LRIG1: variants seen among roughly 807,000 people sequenced by gnomAD.
LRIG1 encodes leucine-rich repeats and immunoglobulin-like domains protein 1.
LRIG1 carries 48 observed loss-of-function variants against 99.2 expected under a neutral mutation model. That is an observed-to-expected ratio of 0.48 (90% CI 0.38 to 0.62). The LOEUF (loss-of-function observed/expected upper bound fraction) is 0.62, where lower values mean the gene tolerates loss of function less well. Among genes scored for constraint, LRIG1 ranks in the 20% least tolerant of loss-of-function variants. The pLI is 0.00. For missense variants in LRIG1, 1,646 were observed against 1,434.4 expected (o/e 1.15, Z -2.38); for synonymous variants, 772 against 596.1 (o/e 1.29, Z -4.30).
chr3:66,384,397 G>A (rs1701260068), intron 13 of LRIG1, 125 bp from the exon 14 acceptor site: 5 of 1,030,972 alleles, frequency 4.8e-6, no homozygotes, highest in Admixed American at 2.1e-5. Flanking sequence ...CCCAATGTCT[G>A]CCCAGGACCA....
intron 3 of LRIG1, among the ~76,000 whole-genome samples, chr3:66,436,070 T>C (rs1703346843): frequency 6.6e-6 from 1 of 152,164 alleles, no homozygotes; most frequent in African/African-American, 2.4e-5. Flanking sequence ...CTTCCCATCA[T>C]TTAGGAAAGG....
At chr3:66,485,299 A>G (rs1700947173) in intron 1 of LRIG1, among the ~76,000 whole-genome samples, 1 of 152,150 alleles carries the variant, frequency 6.6e-6, no homozygotes, top group Non-Finnish European at 1.5e-5. Flanking sequence ...CTCTCCCAGG[A>G]CTACGTACAT....
intron 3 of LRIG1, among the ~76,000 whole-genome samples, chr3:66,433,777 T>C (rs760124336): frequency 5.3e-5 from 8 of 152,178 alleles, no homozygotes; most frequent in South Asian, 2.1e-4. Context: ...CAAAAATGAT[T>C]TGTTACAACA....
At chr3:66,384,389 C>G (rs1701259741) in intron 13 of LRIG1, 117 bp from the exon 14 acceptor site, 2 of 1,135,880 alleles carry the variant, frequency 1.8e-6, no homozygotes. Context: ...TCTTTTCTCC[C>G]AATGTCTGCC....
In LRIG1 at chr3:66,414,391, C is replaced by A. The variant is rs72906705; in HGVS notation, c.647+529G>T. On this transcript the variant is annotated intron_variant, in intron 5 of 18. Transcript: ENST00000273261. ...CACCTGGGGGACAGAGCGAGACTGT[C>A]GCAAAAAAAAATAATAATAAATAAA... 4.0e-5 allele frequency among the ~76,000 whole-genome samples: 6 copies of A among 149,168 alleles called. No individual in the cohort carries two copies. The South Asian group carries it at 1.3e-3, about 32-fold the overall frequency.
intron 3 of LRIG1, among the ~76,000 whole-genome samples, chr3:66,443,355 G>C (rs1703610268): frequency 6.7e-6 from 1 of 149,058 alleles, no homozygotes; most frequent in African/African-American, 2.5e-5. Flanking sequence ...GAGGGGGCGG[G>C]GGATGAGTGA....
In LRIG1 at chr3:66,500,270, A is replaced by G. The variant is rs1454383714; in HGVS notation, c.138T>C (p.Thr46=). Residue 46 remains threonine (T), a synonymous_variant, in exon 1 of 19, where the codon ACT becomes ACC. Coordinates refer to ENST00000273261, the MANE Select transcript of LRIG1 (RefSeq NM_015541.3). ...CGCAGTCCAGCGAGTCCCCAGCGCA[A>G]GTGCAGGCGGCCGCGCAGGGCGCCC... The part of the protein sequence containing the change: ...GPRAPCAAAC[T]CAGDSLDCGG... 13 of 1,492,156 alleles carry G rather than the reference A, an allele frequency of 8.7e-6. No individual in the cohort carries two copies. Among genetic ancestry groups the G allele is most frequent in the South Asian group, 1.3e-5 (1 of 79,608 alleles). The allele number at this position is 1,492,156 out of a possible 1,614,324, so 92.4% of individuals were successfully genotyped here. A position where few individuals can be genotyped will look rare whatever the true frequency, so the allele number is the denominator to read the frequency against.
At chr3:66,475,220 T>C (rs1700693760) in intron 1 of LRIG1, among the ~76,000 whole-genome samples, 1 of 152,230 alleles carries the variant, frequency 6.6e-6, no homozygotes, top group African/African-American at 2.4e-5. Context: ...TCAAAGTCTC[T>C]GCCTAGCCTG....
At chr3:66,477,360 T>C (rs1700746167) in intron 1 of LRIG1, among the ~76,000 whole-genome samples, 1 of 152,188 alleles carries the variant, frequency 6.6e-6, no homozygotes, top group Non-Finnish European at 1.5e-5. Context: ...CAAACTCCTG[T>C]GCTTAATGTT....
intron 1 of LRIG1, among the ~76,000 whole-genome samples, chr3:66,466,896 C>G (rs142452326): frequency 3.1e-4 from 47 of 152,370 alleles, no homozygotes; most frequent in African/African-American, 1.1e-3. Flanking sequence ...AATTTAGTTA[C>G]TGCCAATTGC....
At chr3:66,474,549 T>G (rs1337295243) in intron 1 of LRIG1, among the ~76,000 whole-genome samples, 1 of 152,146 alleles carries the variant, frequency 6.6e-6, no homozygotes, top group African/African-American at 2.4e-5. Flanking sequence ...TTTCACCACA[T>G]TGGCCAGGCT....
chr3:66,387,450 C>G (rs1701431705), intron 12 of LRIG1: 2 of 152,224 alleles, frequency 1.3e-5, no homozygotes, highest in East Asian at 3.9e-4. Flanking sequence ...GTGGTGACTT[C>G]TCTGTCCAAC....
At chr3:66,475,290 G>A (rs1357396743) in intron 1 of LRIG1, among the ~76,000 whole-genome samples, 4 of 152,222 alleles carry the variant, frequency 2.6e-5, no homozygotes, top group African/African-American at 9.7e-5. Flanking sequence ...CATTGGTAGG[G>A]AGGTAGAAGG....
chr3:66,477,707 C>G (rs1700753475), intron 1 of LRIG1, among the ~76,000 whole-genome samples: 1 of 152,140 alleles, frequency 6.6e-6, no homozygotes, highest in Admixed American at 6.5e-5. Context: ...CACTTAAGTT[C>G]ATTCTCTCAT....
intron 3 of LRIG1, among the ~76,000 whole-genome samples, chr3:66,437,621 A>C (rs1045042083): frequency 3.3e-5 from 5 of 152,088 alleles, no homozygotes; most frequent in Non-Finnish European, 7.4e-5. Context: ...CATACCCCAC[A>C]ATCACTTATC....
At chr3:66,482,727 C>T (rs139999306) in intron 1 of LRIG1, among the ~76,000 whole-genome samples, 7 of 152,090 alleles carry the variant, frequency 4.6e-5, no homozygotes, top group African/African-American at 1.7e-4. Flanking sequence ...GCCTAAATGC[C>T]CAATATCAGA....
At chr3:66,406,294 G>C (rs1702266823) in intron 8 of LRIG1, 1 of 985,408 alleles carries the variant, frequency 1.0e-6, no homozygotes, top group Non-Finnish European at 1.2e-6. Flanking sequence ...CCAGGAACCA[G>C]GGACCCGGGG....
At position 66,383,034 on chromosome 3, in the gene LRIG1, G is replaced by A. The variant is rs34042409; in HGVS notation, c.2439C>T (p.Cys813=). 9.0e-3 allele frequency: 14,594 copies of A among 1,614,110 alleles called. 1,120 individuals are homozygous for A. The African/African-American group carries it at 0.17, about 19-fold the overall frequency. ...TCTTCTTCCTGGTCTGGTAGATGATGCACACCCAGACCAGTGACGTCAGGA... is the reference window on the plus strand; with the variant it reads ...TCTTCTTCCTGGTCTGGTAGATGATACACACCCAGACCAGTGACGTCAGGA... ...SIVLTSLVWV[C]IIYQTRKKSE... Residue 813 remains cysteine (C), a synonymous_variant, in exon 15 of 19, where the codon TGC becomes TGT. Coordinates refer to ENST00000273261, the MANE Select transcript of LRIG1 (RefSeq NM_015541.3).
chr3:66,415,562 A>G (rs1404124256), intron 4 of LRIG1, among the ~76,000 whole-genome samples: 2 of 152,198 alleles, frequency 1.3e-5, no homozygotes, highest in Non-Finnish European at 2.9e-5. Flanking sequence ...GTATAAACCA[A>G]TTCATTTCTG....
Sources: allele counts gnomAD v4.1 joint callset (sites outside exome capture counted in the v4.1 genomes callset), GRCh38; gene constraint gnomAD v4.1.1; transcripts MANE v1.5; gene names NCBI Gene and HGNC (gene_info 2026-07-23, HGNC 2026-07-21).